The following CCRL2 variants were observed in gnomAD, a reference collection of about 807,000 sequenced individuals.
The protein encoded by CCRL2 is C-C chemokine receptor-like 2.
For synonymous variants in CCRL2, 181 were observed against 165.6 expected (o/e 1.09, Z -0.71); for missense variants, 451 against 412.4 (o/e 1.09, Z -0.81).
rs756803233 is a variant in CCRL2 at position 46,408,713 on chromosome 3, C to T, written c.634C>T (p.Pro212Ser). ...LKMNISVLVL[P>S]LFIFTFLYVQ... Reference sequence around the variant, plus strand: ...AATGAACATTTCGGTTCTTGTCCTCCCCCTATTTATTTTTACATTTCTCTA... The same window carrying T: ...AATGAACATTTCGGTTCTTGTCCTCTCCCTATTTATTTTTACATTTCTCTA... Residue 212 changes from proline to serine, a missense_variant, in exon 2 of 2, where the codon CCC becomes TCC. Pro to Ser is a moderately conservative substitution (Grantham distance 74). Transcript: ENST00000399036. 85 of 1,613,988 alleles carry T rather than the reference C, an allele frequency of 5.3e-5. No individual in the cohort carries two copies. Among genetic ancestry groups the T allele is most frequent in the Admixed American group, 1.0e-4 (6 of 59,984 alleles).
In CCRL2 at chr3:46,409,208, G is replaced by T. The variant is rs141965576; in HGVS notation, c.*94G>T. On this transcript the variant is annotated 3_prime_UTR_variant, in exon 2 of 2. Transcript: ENST00000399036. ...TTTCTACACATTTGTATACAAAATC[G>T]GATACAGGAAGAAAAGGGAGAGGTG... 3,934 of 1,227,574 alleles carry T rather than the reference G, an allele frequency of 3.2e-3. 7 individuals carry two copies. The highest frequency in any genetic ancestry group is 3.1e-3 in the Non-Finnish European group (2,684 of 868,942). The allele number at this position is 1,227,574 out of a possible 1,614,324, so 76.0% of individuals were successfully genotyped here.
At position 46,408,489 on chromosome 3, in the gene CCRL2, A is replaced by G; in HGVS notation, c.410A>G (p.Asn137Ser). ...TACCTAGTGTTTTTGCACAAGGGAAACTTTTTCTCAGCCAGGAGGAGGGTG... is the reference window on the plus strand; with the variant it reads ...TACCTAGTGTTTTTGCACAAGGGAAGCTTTTTCTCAGCCAGGAGGAGGGTG... ...QRYLVFLHKG[N>S]FFSARRRVPC... is the part of the protein sequence containing the mutation. The change falls in exon 2 of 2, where the codon AAC becomes AGC. Residue 137 changes from asparagine (N) to serine (S), a missense_variant. Physicochemically the swap from Asn to Ser is conservative, Grantham distance 46. Transcript: ENST00000399036. 6.2e-7 allele frequency: 1 copy of G among 1,614,174 alleles called. No individual in the cohort carries two copies. The highest frequency in any genetic ancestry group is 8.5e-7 in the Non-Finnish European group (1 of 1,180,022).
rs189815739 is a variant in CCRL2, at chr3:46,408,177, C to A, written c.98C>A (p.Ala33Asp). Residue 33 changes from alanine to aspartate, a missense_variant, in exon 2 of 2, where the codon GCC (alanine) becomes GAC (aspartate). By Grantham distance (126) the Ala-to-Asp change is moderately radical. Transcript: ENST00000399036. ...DEAEQCDKYD[A>D]QALSAQLVPS... The stretch of plus-strand genomic sequence containing the variant: ...GCAGAGCAATGTGACAAGTATGACG[C>A]CCAGGCACTCTCAGCCCAGCTGGTG... 1.2e-6 allele frequency: 2 copies of A among 1,612,910 alleles called. No individual in the cohort carries two copies. The highest frequency in any genetic ancestry group is 3.3e-5 in the Admixed American group (2 of 59,850).
Position 46,408,412 on chromosome 3 carries a change from C to T in CCRL2, c.333C>T (p.Phe111=), listed in dbSNP as rs371988169. The stretch of plus-strand genomic sequence containing the variant: ...GTAAAATTCTCATTGGACTGTACTT[C>T]GTGGGCCTGTACAGTGAGACATTTT... ...PMCKILIGLY[F]VGLYSETFFN... is the part of the protein sequence containing the mutation. Residue 111 remains phenylalanine, a synonymous_variant, in exon 2 of 2, where the codon TTC becomes TTT. Coordinates refer to ENST00000399036, the MANE Select transcript of CCRL2 (RefSeq NM_003965.5). 29 of 1,613,976 alleles carry T rather than the reference C, an allele frequency of 1.8e-5. No homozygotes were observed. The highest frequency in any genetic ancestry group is 2.4e-5 in the Non-Finnish European group (28 of 1,179,924).
rs775705652 is a variant in CCRL2, at chr3:46,408,794, C to G, written c.715C>G (p.Leu239Val). The G allele has an allele frequency of 1.2e-6, 2 of 1,614,048 alleles. No individual in the cohort carries two copies. The highest frequency in any genetic ancestry group is 1.7e-6 in the Non-Finnish European group (2 of 1,180,046). Reference protein sequence around the residue: ...FREQRYSLFKLVFAIMVVFLL... With the variant: ...FREQRYSLFKVVFAIMVVFLL... ...GGAGCAGAGGTATAGCCTTTTCAAG[C>G]TTGTTTTTGCCATAATGGTAGTCTT... The change falls in exon 2 of 2, where the codon CTT (leucine) becomes GTT (valine). Residue 239 changes from leucine (L) to valine (V), a missense_variant. Leu to Val is a conservative substitution (Grantham distance 32). Transcript: ENST00000399036.
Position 46,408,772 on chromosome 3 carries a change from G to A in CCRL2, c.693G>A (p.Glu231=). The A allele has an allele frequency of 6.2e-7, 1 of 1,614,192 alleles. No individual in the cohort carries two copies. The highest frequency in any genetic ancestry group is 8.5e-7 in the Non-Finnish European group (1 of 1,180,022). ...TGAGAAAAACACTAAGGTTCAGGGA[G>A]CAGAGGTATAGCCTTTTCAAGCTTG... ...VQMRKTLRFR[E]QRYSLFKLVF... is the part of the protein sequence containing the mutation. Residue 231 remains glutamate, a synonymous_variant, in exon 2 of 2, where the codon GAG becomes GAA. Transcript: ENST00000399036.
Position 46,409,196 on chromosome 3 carries a change from G to T in CCRL2, c.*82G>T. On this transcript the variant is annotated 3_prime_UTR_variant, in exon 2 of 2. Transcript: ENST00000399036. ...TTTCATGTAAATTTTCTACACATTT[G>T]TATACAAAATCGGATACAGGAAGAA... The T allele has an allele frequency of 7.6e-7, 1 of 1,319,438 alleles. No homozygotes were observed. Among genetic ancestry groups the T allele is most frequent in the Non-Finnish European group, 1.1e-6 (1 of 948,546 alleles). The allele number at this position is 1,319,438 out of a possible 1,614,324, so 81.7% of individuals were successfully genotyped here.
intron 1 of CCRL2, 53 bp from the exon 2 acceptor site, chr3:46,408,015 C>G: frequency 2.9e-6 from 4 of 1,369,560 alleles, no homozygotes; most frequent in Non-Finnish European, 3.9e-6. Flanking sequence ...TTGTTGTTTC[C>G]TCCAGGATAA....
In CCRL2 at chr3:46,408,707, G is replaced by C; in HGVS notation, c.628G>C (p.Val210Leu). Residue 210 changes from valine (V) to leucine (L), a missense_variant, in exon 2 of 2, where the codon GTC (valine) becomes CTC (leucine). Physicochemically the swap from Val to Leu is conservative, Grantham distance 32. Transcript: ENST00000399036. ...TTTAAAAATGAACATTTCGGTTCTTGTCCTCCCCCTATTTATTTTTACATT... is the reference window on the plus strand; with the variant it reads ...TTTAAAAATGAACATTTCGGTTCTTCTCCTCCCCCTATTTATTTTTACATT... The part of the protein sequence containing the change: ...LTLKMNISVL[V>L]LPLFIFTFLY... 1 of 1,614,144 alleles carries C rather than the reference G, an allele frequency of 6.2e-7. No homozygotes were observed. The highest frequency in any genetic ancestry group is 8.5e-7 in the Non-Finnish European group (1 of 1,180,034).
At position 46,408,975 on chromosome 3, in the gene CCRL2, T is replaced by C. The variant is rs1009185227; in HGVS notation, c.896T>C (p.Leu299Pro). 1.2e-6 allele frequency: 2 copies of C among 1,614,172 alleles called. No individual in the cohort carries two copies. The highest frequency in any genetic ancestry group is 1.1e-5 in the South Asian group (1 of 91,082). ...ACCCACTGCTGCATCAACCCTCTCC[T>C]GTATGCGTTTCTTGATGGGACATTT... ...ATTHCCINPL[L>P]YAFLDGTFSK... The change falls in exon 2 of 2, where the codon CTG becomes CCG. Residue 299 changes from leucine (L) to proline (P), a missense_variant. By Grantham distance (98) the Leu-to-Pro change is moderately conservative (BLOSUM62 -3). Coordinates refer to ENST00000399036, the MANE Select transcript of CCRL2 (RefSeq NM_003965.5).
At chr3:46,408,036 G>A (rs373840537) in intron 1 of CCRL2, 32 bp from the exon 2 acceptor site, 26 of 1,475,088 alleles carry the variant, frequency 1.8e-5, no homozygotes, top group Admixed American at 6.1e-5. Context: ...GGCAGCTGTC[G>A]GAGGGGAAAA....
chr3:46,408,595 T>C lies in CCRL2; in HGVS notation c.516T>C (p.Pro172=). Residue 172 remains proline (P), a synonymous_variant, in exon 2 of 2, where the codon CCT becomes CCC. Transcript: ENST00000399036. ...ATLPEFVVYK[P]QMEDQKYKCA... is the part of the protein sequence containing the mutation. Reference sequence around the variant, plus strand: ...TGCCTGAATTCGTGGTTTATAAACCTCAGATGGAAGACCAGAAATACAAGT... The same window carrying C: ...TGCCTGAATTCGTGGTTTATAAACCCCAGATGGAAGACCAGAAATACAAGT... 2 of 1,614,134 alleles carry C rather than the reference T, an allele frequency of 1.2e-6. No individual in the cohort carries two copies. The highest frequency in any genetic ancestry group is 1.7e-6 in the Non-Finnish European group (2 of 1,179,966).
rs1389198266 is a variant in CCRL2 at position 46,408,778 on chromosome 3, G to C, written c.699G>C (p.Arg233Ser). The change falls in exon 2 of 2, where the codon AGG becomes AGC. Residue 233 changes from arginine to serine, a missense_variant. Transcript: ENST00000399036. ...MRKTLRFREQRYSLFKLVFAI... is the reference protein window; with the variant it reads ...MRKTLRFREQSYSLFKLVFAI... ...AAACACTAAGGTTCAGGGAGCAGAG[G>C]TATAGCCTTTTCAAGCTTGTTTTTG... 5 of 1,614,058 alleles carry C rather than the reference G, an allele frequency of 3.1e-6. No individual in the cohort carries two copies. The highest frequency in any genetic ancestry group is 2.5e-6 in the Non-Finnish European group (3 of 1,180,026).
Position 46,408,311 on chromosome 3 carries a change from C to A in CCRL2, c.232C>A (p.Leu78Ile). 2 of 1,614,250 alleles carry A rather than the reference C, an allele frequency of 1.2e-6. No homozygotes were observed. Among genetic ancestry groups the A allele is most frequent in the Non-Finnish European group, 1.7e-6 (2 of 1,180,032 alleles). The change falls in exon 2 of 2, where the codon CTA becomes ATA. Residue 78 changes from leucine (L) to isoleucine (I), a missense_variant. Coordinates refer to ENST00000399036, the MANE Select transcript of CCRL2 (RefSeq NM_003965.5). ...CAAACGCGTGGAAAATATCTATCTT[C>A]TAAACTTGGCAGTTTCTAACTTGTG... ...GLKRVENIYL[L>I]NLAVSNLCFL...
rs1219130960 is a variant in CCRL2, at chr3:46,408,867, T to G, written c.788T>G (p.Phe263Cys). 1.2e-6 allele frequency: 2 copies of G among 1,614,192 alleles called. No individual in the cohort carries two copies. Among genetic ancestry groups the G allele is most frequent in the Non-Finnish European group, 8.5e-7 (1 of 1,180,028 alleles). The change falls in exon 2 of 2, where the codon TTC becomes TGC. Residue 263 changes from phenylalanine (F) to cysteine (C), a missense_variant. Transcript: ENST00000399036. ...PYNIAFFLST[F>C]KEHFSLSDCK... Reference sequence around the variant, plus strand: ...AATATTGCATTTTTCCTGTCCACTTTCAAAGAACACTTCTCCCTGAGTGAC... The same window carrying G: ...AATATTGCATTTTTCCTGTCCACTTGCAAAGAACACTTCTCCCTGAGTGAC...
In CCRL2 at chr3:46,409,240, C is replaced by A; in HGVS notation, c.*126C>A. 1.1e-6 allele frequency: 1 copy of A among 941,806 alleles called. No homozygotes were observed. The highest frequency in any genetic ancestry group is 1.6e-6 in the Non-Finnish European group (1 of 622,794). The allele number at this position is 941,806 out of a possible 1,614,324, so 58.3% of individuals were successfully genotyped here. On this transcript the variant is annotated 3_prime_UTR_variant, in exon 2 of 2. Coordinates refer to ENST00000399036, the MANE Select transcript of CCRL2 (RefSeq NM_003965.5). ...GGAAGAAAAGGGAGAGGTGAGCTAA[C>A]ATTTGCTAAGCACTGAATTTGTCTC...
At chr3:46,407,639 G>C (rs1406793124) in intron 1 of CCRL2, 137 bp downstream of exon 1, 20 of 1,539,332 alleles carry the variant, frequency 1.3e-5, no homozygotes, top group East Asian at 2.5e-5. Context: ...GCTGCTTCGG[G>C]GGGTGAGCAA....
In CCRL2 at chr3:46,408,337, T is replaced by C. The variant is rs1369848398; in HGVS notation, c.258T>C (p.Cys86=). The change falls in exon 2 of 2, where the codon TGT becomes TGC. Residue 86 remains cysteine (C), a synonymous_variant. Transcript: ENST00000399036. ...YLLNLAVSNL[C]FLLTLPFWAH... ...TAAACTTGGCAGTTTCTAACTTGTG[T>C]TTCTTGCTTACCCTGCCCTTCTGGG... 2 of 1,614,234 alleles carry C rather than the reference T, an allele frequency of 1.2e-6. No individual in the cohort carries two copies. Among genetic ancestry groups the C allele is most frequent in the South Asian group, 1.1e-5 (1 of 91,080 alleles).
At chr3:46,408,041 G>C in intron 1 of CCRL2, 27 bp from the exon 2 acceptor site, 1 of 1,497,826 alleles carries the variant, frequency 6.7e-7, no homozygotes, top group Admixed American at 2.0e-5. Flanking sequence ...CTGTCGGAGG[G>C]GAAAATCATC....
Sources: allele counts gnomAD v4.1 joint callset, GRCh38; gene constraint gnomAD v4.1.1; transcripts MANE v1.5; gene names NCBI Gene and HGNC (gene_info 2026-07-23, HGNC 2026-07-21).